Variants in MED27 observed in about 807,000 individuals in gnomAD.
MED27 encodes the protein mediator complex subunit 27, also known as mediator of RNA polymerase II transcription subunit 27.
MED27 carries 30 observed loss-of-function variants against 38.2 expected under a neutral mutation model. The observed-to-expected ratio is 0.79, with a 90% CI of 0.59 to 1.07. The LOEUF is 1.07. Among genes scored for constraint, MED27 ranks in the 50% least tolerant of loss-of-function variants. The pLI is 0.00. For missense variants in MED27, 289 were observed against 397.5 expected (o/e 0.73, Z 2.32); for synonymous variants, 122 against 153.5 (o/e 0.79, Z 1.52).
chr9:132,046,238 T>A (rs1028358540), intron 2 of MED27, among the ~76,000 whole-genome samples: 29 of 152,218 alleles, frequency 1.9e-4, no homozygotes, highest in Non-Finnish European at 3.2e-4. Context: ...ACTAGCACGG[T>A]AAACTGCAGT....
intron 4 of MED27, among the ~76,000 whole-genome samples, chr9:131,938,761 G>C (rs1212031467): frequency 6.6e-6 from 1 of 151,456 alleles, no homozygotes; most frequent in Non-Finnish European, 1.5e-5. Context: ...ACCCAGGCTG[G>C]AGAGTGCAGT....
intron 6 of MED27, among the ~76,000 whole-genome samples, chr9:131,873,341 T>C (rs551419123): frequency 1.2e-4 from 18 of 152,358 alleles, no homozygotes; most frequent in Admixed American, 2.6e-4. Flanking sequence ...GCCATCATTA[T>C]TTCGAAACTG....
chr9:131,939,900 CTT>C (rs545565196), intron 3 of MED27, among the ~76,000 whole-genome samples: 33 of 136,154 alleles, frequency 2.4e-4, no homozygotes, highest in Middle Eastern at 3.8e-3. Flanking sequence ...AAATTCCTTC[CTT>C]TTTTTTTTTT....
chr9:131,911,402 T>C lies in MED27; in HGVS notation c.574-17410A>G, dbSNP rs1157432518. 2.0e-5 allele frequency among the ~76,000 whole-genome samples: 3 copies of C among 152,222 alleles called. No individual in the cohort carries two copies. The East Asian group carries it at 5.8e-4, about 29-fold the overall frequency. ...AGCTTCATCCCTCTTGCAAGTCAAC[T>C]AGCTTTGCTTGGTTCCATGGTAGCA... On this transcript the variant is annotated intron_variant, in intron 4 of 7. Transcript: ENST00000292035.
intron 3 of MED27, among the ~76,000 whole-genome samples, chr9:131,986,283 C>T (rs1157988548): frequency 1.3e-5 from 2 of 152,144 alleles, no homozygotes; most frequent in Non-Finnish European, 2.9e-5. Flanking sequence ...CCAGAGCAAC[C>T]TGTAGTCCTG....
At chr9:132,053,681 A>G (rs1833513510) in intron 2 of MED27, among the ~76,000 whole-genome samples, 1 of 152,144 alleles carries the variant, frequency 6.6e-6, no homozygotes, top group Non-Finnish European at 1.5e-5. Flanking sequence ...GTCCAGACCC[A>G]GCTTGGTAAC....
chr9:131,992,012 C>T (rs375749142), intron 3 of MED27, among the ~76,000 whole-genome samples: 2 of 152,148 alleles, frequency 1.3e-5, no homozygotes, highest in African/African-American at 2.4e-5. Flanking sequence ...TGAGCCACCG[C>T]GCTCAGCCAC....
At chr9:131,923,009 G>T (rs2131554413) in intron 4 of MED27, among the ~76,000 whole-genome samples, 1 of 152,200 alleles carries the variant, frequency 6.6e-6, no homozygotes, top group East Asian at 1.9e-4. Context: ...CTCCTGTTCT[G>T]GAATCAGCCA....
intron 6 of MED27, among the ~76,000 whole-genome samples, chr9:131,878,972 G>A (rs1007396126): frequency 6.6e-6 from 1 of 152,166 alleles, no homozygotes; most frequent in African/African-American, 2.4e-5. Context: ...AGCAGCCATA[G>A]ACCCATAGCA....
rs1399530832 is a variant in MED27 at position 131,883,873 on chromosome 9, T to C, written c.723+185A>G. ...CACCCTTAGGCAACCACGGATCTGATTTCTGTCCCTAAGGTTTTGTTTTTT... is the reference window on the plus strand; with the variant it reads ...CACCCTTAGGCAACCACGGATCTGACTTCTGTCCCTAAGGTTTTGTTTTTT... On this transcript the variant is annotated intron_variant, in intron 6 of 7. Coordinates refer to ENST00000292035, the MANE Select transcript of MED27 (RefSeq NM_004269.4). This position sits in a 1 kb window ranked among gnomAD's most constrained non-coding sequence, Gnocchi z 4.2. 3 of 572,670 alleles carry C rather than the reference T, an allele frequency of 5.2e-6. No individual in the cohort carries two copies. The allele number at this position is 572,670 out of a possible 1,614,324, so 35.5% of individuals were successfully genotyped here. A position where few individuals can be genotyped will look rare whatever the true frequency, so the allele number is the denominator to read the frequency against.
intron 4 of MED27, among the ~76,000 whole-genome samples, chr9:131,931,817 A>G (rs377669755): frequency 6.6e-5 from 10 of 152,202 alleles, no homozygotes; most frequent in South Asian, 4.1e-4. Flanking sequence ...ACAATTGGAA[A>G]TATATATACA....
chr9:131,874,607 CAG>C (rs1346224121), intron 6 of MED27, among the ~76,000 whole-genome samples: 1 of 152,180 alleles, frequency 6.6e-6, no homozygotes. Context: ...CCTGGGCAAA[CAG>C]GGAAACCCCA....
chr9:131,936,387 A>G (rs140297105), intron 4 of MED27, among the ~76,000 whole-genome samples: 9 of 152,314 alleles, frequency 5.9e-5, no homozygotes, highest in African/African-American at 2.2e-4. Flanking sequence ...ACCAGATGAG[A>G]TAAGTGCTGT....
At position 131,862,538 on chromosome 9, in the gene MED27, C is replaced by T. The variant is rs1324350680; in HGVS notation, c.801+525G>A. Among the ~76,000 whole-genome samples, 1 of 152,160 alleles carries T rather than the reference C, an allele frequency of 6.6e-6. No individual in the cohort carries two copies. Among genetic ancestry groups the T allele is most frequent in the African/African-American group, 2.4e-5 (1 of 41,438 alleles). On this transcript the variant is annotated intron_variant, in intron 7 of 7. Transcript: ENST00000292035. This position sits in a 1 kb window ranked among gnomAD's most constrained non-coding sequence, Gnocchi z 4.6. Reference sequence around the variant, plus strand: ...TGCCGATTTCCGTGGTGTCAACACTCCCACCAAGTTTGATTTCAAACTAGT... The same window carrying T: ...TGCCGATTTCCGTGGTGTCAACACTTCCACCAAGTTTGATTTCAAACTAGT...
chr9:132,040,010 G>C (rs775853566), intron 2 of MED27, among the ~76,000 whole-genome samples: 1 of 152,172 alleles, frequency 6.6e-6, no homozygotes, highest in Non-Finnish European at 1.5e-5. Context: ...GGGACATTTT[G>C]ATAAAGAGAA....
At chr9:131,916,948 G>T (rs1830302002) in intron 4 of MED27, among the ~76,000 whole-genome samples, 1 of 152,148 alleles carries the variant, frequency 6.6e-6, no homozygotes, top group Non-Finnish European at 1.5e-5. Flanking sequence ...GGAAATAAGG[G>T]TAGGCATTTG....
At chr9:131,956,149 G>A (rs1267062383) in intron 3 of MED27, among the ~76,000 whole-genome samples, 2 of 152,114 alleles carry the variant, frequency 1.3e-5, no homozygotes, top group Non-Finnish European at 2.9e-5. Flanking sequence ...TGAACCTTGG[G>A]GAAATTACGC....
intron 3 of MED27, among the ~76,000 whole-genome samples, chr9:131,967,485 C>CA (rs1228839341): frequency 2.1e-5 from 3 of 141,396 alleles, no homozygotes; most frequent in African/African-American, 7.7e-5. Context: ...TCTCATGAAT[C>CA]TTTTTTTTTT....
At chr9:131,964,762 A>G (rs1831304516) in intron 3 of MED27, among the ~76,000 whole-genome samples, 1 of 152,234 alleles carries the variant, frequency 6.6e-6, no homozygotes, top group Admixed American at 6.5e-5. Flanking sequence ...CAAGGGATCA[A>G]ACTGGTCTGC....
Sources: gnomAD v4.1 joint callset for allele counts (sites outside exome capture counted in the v4.1 genomes callset) on GRCh38, gnomAD v4.1.1 for gene constraint, Gnocchi (gnomAD v3.1) non-coding constraint, MANE v1.5 for transcripts, NCBI Gene and HGNC (gene_info 2026-07-23, HGNC 2026-07-21) for gene names.